ESR2: variants seen among roughly 807,000 people sequenced by gnomAD.
The protein encoded by ESR2 is estrogen receptor 2, also known as estrogen receptor beta.
ESR2 carries 36 observed loss-of-function variants against 49.6 expected under a neutral mutation model. The observed-to-expected ratio is 0.73, with a 90% CI of 0.56 to 0.96. ESR2 has a LOEUF of 0.96. ESR2 is among the 40% of genes least tolerant of loss of function. The pLI, the probability that ESR2 is intolerant of heterozygous loss-of-function variation, is 0.00. For missense variants in ESR2, 714 were observed against 693.0 expected (o/e 1.03, Z -0.34); for synonymous variants, 320 against 266.1 (o/e 1.20, Z -1.97).
intron 2 of ESR2, among the ~76,000 whole-genome samples, chr14:64,281,826 T>C (rs1252281831): frequency 1.3e-5 from 2 of 152,228 alleles, no homozygotes; most frequent in African/African-American, 4.8e-5. Flanking sequence ...CTTTATATAA[T>C]GTTATTATTT....
rs531354412 is a variant in ESR2, at chr14:64,282,414, T to TC, written c.362+209dup. Among the ~76,000 whole-genome samples, 264 of 152,226 alleles carry TC rather than the reference T, an allele frequency of 1.7e-3. 7 individuals are homozygous for TC. The East Asian group carries it at 0.018, about 10-fold the overall frequency. ...AGACAATAGTCATGATAGCAAATTC[T>TC]CCCCACAACACTGATGTACACATAC... On this transcript the variant is annotated intron_variant, in intron 2 of 8. Coordinates refer to ENST00000341099, the MANE Select transcript of ESR2 (RefSeq NM_001437.3).
At chr14:64,234,811 C>A (rs750843806) in intron 8 of ESR2, 159 bp downstream of exon 8, 155 of 1,413,496 alleles carry the variant, frequency 1.1e-4, no homozygotes, top group Non-Finnish European at 1.4e-4. Flanking sequence ...CACTCTGTGC[C>A]CATCTTTGCT....
intron 6 of ESR2, among the ~76,000 whole-genome samples, chr14:64,250,300 G>C (rs1021851642): frequency 3.9e-5 from 6 of 152,214 alleles, no homozygotes; most frequent in African/African-American, 1.4e-4. Context: ...GGTATACATG[G>C]AGGTGGGGAA....
At chr14:64,317,435 C>T (rs894611436) in intron 1 of ESR2, among the ~76,000 whole-genome samples, 2 of 152,150 alleles carry the variant, frequency 1.3e-5, no homozygotes, top group African/African-American at 2.4e-5. Context: ...AGGGGGAGCC[C>T]AGCACCTGAC....
intron 1 of ESR2, among the ~76,000 whole-genome samples, chr14:64,310,035 G>A (rs1256606507): frequency 1.3e-5 from 2 of 151,748 alleles, no homozygotes; most frequent in Non-Finnish European, 2.9e-5. Flanking sequence ...GCAGTGAGCC[G>A]AGATCACGCC....
intron 3 of ESR2, among the ~76,000 whole-genome samples, chr14:64,270,789 C>T (rs142710396): frequency 9.8e-4 from 149 of 152,312 alleles, no homozygotes; most frequent in Non-Finnish European, 1.6e-3. Flanking sequence ...GGATTACAGG[C>T]GTGAGCCACC....
intron 4 of ESR2, 94 bp from the exon 5 acceptor site, chr14:64,260,842 C>A: frequency 8.4e-7 from 1 of 1,190,496 alleles, no homozygotes; most frequent in Admixed American, 3.0e-5. Flanking sequence ...CTGTGGGGCA[C>A]GTACCAAAGA....
chr14:64,304,431 T>C (rs1349683323), intron 1 of ESR2, among the ~76,000 whole-genome samples: 1 of 152,218 alleles, frequency 6.6e-6, no homozygotes, highest in African/African-American at 2.4e-5. Flanking sequence ...CTGTTTGTTC[T>C]TAATTATCTA....
downstream of ESR2, chr14:64,227,712 C>T (rs753357033): frequency 5.7e-5 from 91 of 1,593,258 alleles, no homozygotes; most frequent in Non-Finnish European, 7.4e-5. Flanking sequence ...TTGTCTCTTC[C>T]TCAGGATAAG....
At chr14:64,299,437 G>A (rs1273629424) in intron 1 of ESR2, among the ~76,000 whole-genome samples, 4 of 130,128 alleles carry the variant, frequency 3.1e-5, no homozygotes, top group Non-Finnish European at 4.6e-5. Flanking sequence ...GTCTCGCTCT[G>A]TCGCCCAGGC....
intron 7 of ESR2, among the ~76,000 whole-genome samples, chr14:64,249,025 C>A (rs1346187085): frequency 6.6e-6 from 1 of 152,224 alleles, no homozygotes; most frequent in Non-Finnish European, 1.5e-5. Flanking sequence ...CCTTCTGCAA[C>A]AACTCCAGCA....
chr14:64,244,635 C>T (rs1436544834), intron 7 of ESR2, among the ~76,000 whole-genome samples: 2 of 152,148 alleles, frequency 1.3e-5, no homozygotes, highest in Admixed American at 1.3e-4. Context: ...GTTTCTCAGG[C>T]CTTCAATCTC....
chr14:64,261,344 TCTC>T (rs762818512), intron 4 of ESR2, among the ~76,000 whole-genome samples: 14 of 148,714 alleles, frequency 9.4e-5, no homozygotes, highest in Non-Finnish European at 1.6e-4. Flanking sequence ...TTCACGCCAT[TCTC>T]CTGCCTCAGC....
chr14:64,311,685 A>G (rs1454080271), intron 1 of ESR2, among the ~76,000 whole-genome samples: 1 of 151,142 alleles, frequency 6.6e-6, no homozygotes, highest in African/African-American at 2.4e-5. Flanking sequence ...ATGGTGGTGC[A>G]TGCCTGTAGT....
chr14:64,291,255 G>A (rs947457058), intron 1 of ESR2, among the ~76,000 whole-genome samples: 2 of 152,160 alleles, frequency 1.3e-5, no homozygotes, highest in Non-Finnish European at 2.9e-5. Flanking sequence ...TGGCTTTGAG[G>A]AAACATATAC....
rs760729675 is a variant in ESR2 at position 64,234,913 on chromosome 14, C to T, written c.1406+57G>A. 1.8e-5 allele frequency: 28 copies of T among 1,586,930 alleles called. No homozygotes were observed. In the Middle Eastern group the frequency reaches 5.4e-4, roughly 31 times the overall value. On this transcript the variant is annotated intron_variant, in intron 8 of 8. Coordinates refer to ENST00000341099, the MANE Select transcript of ESR2 (RefSeq NM_001437.3). Reference sequence around the variant, plus strand: ...ACTTTTCCCAAATCACTTCACCCTCCGTGGAGCACATAATCCCATCCCAAG... The same window carrying T: ...ACTTTTCCCAAATCACTTCACCCTCTGTGGAGCACATAATCCCATCCCAAG...
chr14:64,246,992 C>T (rs1016804680), intron 7 of ESR2, among the ~76,000 whole-genome samples: 7 of 152,086 alleles, frequency 4.6e-5, no homozygotes, highest in Non-Finnish European at 1.0e-4. Context: ...CCTTCAGATT[C>T]CTTCTTCATT....
chr14:64,233,752 A>G (rs1318559621), intron 8 of ESR2: 1 of 167,220 alleles, frequency 6.0e-6, no homozygotes, highest in African/African-American at 2.4e-5. Flanking sequence ...GATAAATACC[A>G]TTGACTCATT....
chr14:64,336,264 G>C (rs2077531072), intron 1 of ESR2: 1 of 152,080 alleles, frequency 6.6e-6, no homozygotes, highest in Admixed American at 6.6e-5. Context: ...ATTATCAATG[G>C]AAGCACAATT....
Sources: allele counts gnomAD v4.1 joint callset (sites outside exome capture counted in the v4.1 genomes callset), GRCh38; gene constraint gnomAD v4.1.1; transcripts MANE v1.5; gene names NCBI Gene and HGNC (gene_info 2026-07-23, HGNC 2026-07-21).